ADGRL2: variants seen among roughly 807,000 people sequenced by gnomAD.
The protein encoded by ADGRL2 is calcium-independent alpha-latrotoxin receptor 2.
Under a neutral mutation model 157.4 loss-of-function variants are expected in ADGRL2, and 44 were observed. The ratio of observed to expected loss-of-function variants is 0.28; its 90% CI spans 0.22 to 0.36. ADGRL2 has a LOEUF of 0.36. ADGRL2 is among the 10% of genes least tolerant of loss of function. ADGRL2 has a pLI of 1.00. For missense variants in ADGRL2, 1,510 were observed against 1,768.9 expected, an observed-to-expected ratio of 0.85 and a Z score of 2.63; for synonymous variants, 585 against 624.7, an observed-to-expected ratio of 0.94 and a Z score of 0.95.
chr1:81,404,660 A>G (rs1394334900), intron 1 of ADGRL2, among the ~76,000 whole-genome samples: 2 of 152,210 alleles, frequency 1.3e-5, no homozygotes, highest in Non-Finnish European at 2.9e-5. Flanking sequence ...ATTACTTTCA[A>G]TATAGTTAAC....
At chr1:81,980,043 T>A in intron 18 of ADGRL2, 83 bp downstream of exon 18, 1 of 746,172 alleles carries the variant, frequency 1.3e-6, no homozygotes, top group South Asian at 1.6e-5. Context: ...ATTTCTACCT[T>A]CTATCAACTG....
Position 81,515,667 on chromosome 1 carries a change from G to A in ADGRL2, c.-247-65209G>A, listed in dbSNP as rs146123497. Among the ~76,000 whole-genome samples, 1,513 of 152,090 alleles carry A rather than the reference G, an allele frequency of 9.9e-3. 14 individuals carry two copies. Among genetic ancestry groups the A allele is most frequent in the African/African-American group, 0.023 (954 of 41,514 alleles). ...TATTGTGGAAAATAAGAAAATATTC[G>A]TAACTAAAAGAAGAAAATATTTCCG... On this transcript the variant is annotated intron_variant, in intron 2 of 24. Coordinates refer to the ADGRL2 transcript ENST00000370721.
intron 1 of ADGRL2, among the ~76,000 whole-genome samples, chr1:81,426,143 A>G (rs1302326015): frequency 6.6e-6 from 1 of 152,208 alleles, no homozygotes; most frequent in Non-Finnish European, 1.5e-5. Flanking sequence ...AAGAATAGGC[A>G]GTCATGTAGA....
chr1:81,805,393 G>A (rs1488554555), intron 1 of ADGRL2, among the ~76,000 whole-genome samples: 1 of 151,974 alleles, frequency 6.6e-6, no homozygotes, highest in East Asian at 1.9e-4. Flanking sequence ...CTTTTTTGGA[G>A]ATGTAAGCTC....
chr1:81,401,730 C>T (rs565033635), intron 1 of ADGRL2, among the ~76,000 whole-genome samples: 12 of 152,108 alleles, frequency 7.9e-5, no homozygotes, highest in Non-Finnish European at 1.6e-4. Context: ...TCCCTGAAGT[C>T]ACTAAGCAGC....
intron 1 of ADGRL2, among the ~76,000 whole-genome samples, chr1:81,363,488 A>C (rs2076012702): frequency 6.6e-6 from 1 of 152,116 alleles, no homozygotes; most frequent in South Asian, 2.1e-4. Flanking sequence ...AGGACTATCC[A>C]CTGGGTAGAA....
intron 1 of ADGRL2, among the ~76,000 whole-genome samples, chr1:81,820,542 T>C (rs2149837754): frequency 6.6e-6 from 1 of 152,222 alleles, no homozygotes; most frequent in East Asian, 1.9e-4. Context: ...AGATTTTTTT[T>C]CTCTCATTTT....
intron 1 of ADGRL2, among the ~76,000 whole-genome samples, chr1:81,366,469 A>C (rs373378010): frequency 2.0e-5 from 3 of 152,300 alleles, no homozygotes; most frequent in African/African-American, 7.2e-5. Flanking sequence ...CACAGAACTT[A>C]TTTTATACAA....
At chr1:81,764,160 C>A (rs1239247744) in intron 2 of ADGRL2, among the ~76,000 whole-genome samples, 1 of 141,002 alleles carries the variant, frequency 7.1e-6, no homozygotes, top group Non-Finnish European at 1.5e-5. Flanking sequence ...CCACTGCACT[C>A]CAGCTTGGGT....
At chr1:81,560,637 A>T (rs1377229601) in intron 2 of ADGRL2, among the ~76,000 whole-genome samples, 1 of 152,274 alleles carries the variant, frequency 6.6e-6, no homozygotes, top group East Asian at 1.9e-4. Flanking sequence ...TTAGAATCTT[A>T]TTATTGTTCA....
At chr1:81,497,237 G>T (rs1002614188) in intron 2 of ADGRL2, among the ~76,000 whole-genome samples, 1 of 152,124 alleles carries the variant, frequency 6.6e-6, no homozygotes, top group Non-Finnish European at 1.5e-5. Flanking sequence ...CACCTGTCTT[G>T]GTTCCCCATT....
chr1:81,703,985 C>A (rs1286452624), intron 1 of ADGRL2, among the ~76,000 whole-genome samples: 1 of 152,154 alleles, frequency 6.6e-6, no homozygotes, highest in Non-Finnish European at 1.5e-5. Context: ...TAAGGAAAAA[C>A]CCATCATCTC....
At chr1:81,845,264 C>T (rs1360822001) in intron 2 of ADGRL2, among the ~76,000 whole-genome samples, 1 of 151,994 alleles carries the variant, frequency 6.6e-6, no homozygotes, top group Non-Finnish European at 1.5e-5. Context: ...TTTCTACTTG[C>T]CAGCCATTTG....
In ADGRL2 at chr1:81,397,867, G is replaced by A. The variant is rs575280879; in HGVS notation, c.-301-47169G>A. Among the ~76,000 whole-genome samples the A allele has an allele frequency of 2.0e-5, 3 of 152,206 alleles. No individual in the cohort carries two copies. The South Asian group carries it at 6.2e-4, about 32-fold the overall frequency. Reference sequence around the variant, plus strand: ...ATGCAGTTTAAATCCAAGGTTTCTTGGTTGATTTTTTCGTCTAGATAATCT... The same window carrying A: ...ATGCAGTTTAAATCCAAGGTTTCTTAGTTGATTTTTTCGTCTAGATAATCT... On this transcript the variant is annotated intron_variant, in intron 1 of 24. Transcript: ENST00000370721.
chr1:81,621,892 C>T (rs1462052074), intron 3 of ADGRL2, among the ~76,000 whole-genome samples: 1 of 152,182 alleles, frequency 6.6e-6, no homozygotes, highest in Non-Finnish European at 1.5e-5. Flanking sequence ...GCTTGACTCC[C>T]TCACTTCCTC....
At chr1:81,979,753 C>T in intron 17 of ADGRL2, 116 bp from the exon 18 acceptor site, 1 of 610,192 alleles carries the variant, frequency 1.6e-6, no homozygotes, top group Non-Finnish European at 2.9e-6. Context: ...TCATTGCATA[C>T]ATAAAAAAAA....
At chr1:81,777,861 C>A (rs1205217697) in intron 2 of ADGRL2, among the ~76,000 whole-genome samples, 3 of 152,166 alleles carry the variant, frequency 2.0e-5, no homozygotes, top group Non-Finnish European at 2.9e-5. Context: ...TTTTAATAGG[C>A]ATGCCTTCTC....
At position 81,544,535 on chromosome 1, in the gene ADGRL2, T is replaced by G. The variant is rs2079966705; in HGVS notation, c.-247-36341T>G. The stretch of plus-strand genomic sequence containing the variant: ...TAAAAAGAAGAAGCCTAATGTCATC[T>G]GTGACTTCTCTTTTTCTAATTTTAT... On this transcript the variant is annotated intron_variant, in intron 2 of 24. Transcript: ENST00000370721. 2.0e-5 allele frequency among the ~76,000 whole-genome samples: 3 copies of G among 152,334 alleles called. No individual in the cohort carries two copies. In the South Asian group the frequency reaches 6.2e-4, roughly 32 times the overall value.
rs144864292 is a variant in ADGRL2, at chr1:81,963,290, A to T, written c.2018-2768A>T. On this transcript the variant is annotated intron_variant, in intron 11 of 23. Coordinates refer to ENST00000686636, the MANE Select transcript of ADGRL2 (RefSeq NM_001366006.2). ...CCTTGCTAAATTCTTAGTATTTCTG[A>T]TAGTTTATCGTTAACGTCCCTCGTT... Among the ~76,000 whole-genome samples the T allele has an allele frequency of 2.0e-3, 299 of 152,080 alleles. 4 individuals are homozygous for T. The highest frequency in any genetic ancestry group is 6.9e-3 in the African/African-American group (286 of 41,526).
Sources: gnomAD v4.1 joint callset for allele counts (sites outside exome capture counted in the v4.1 genomes callset) on GRCh38, gnomAD v4.1.1 for gene constraint, MANE v1.5 for transcripts, NCBI Gene and HGNC (gene_info 2026-07-23, HGNC 2026-07-21) for gene names.